The following EIF3D variants were observed in gnomAD, a reference collection of about 807,000 sequenced individuals.
The protein encoded by EIF3D is eIF3 p66.
In EIF3D, 10 loss-of-function variants were observed where a neutral mutation model predicts 75.4. That is an observed-to-expected ratio of 0.13 (90% confidence interval 0.08 to 0.22). The LOEUF (loss-of-function observed/expected upper bound fraction) is 0.22, where lower values mean the gene tolerates loss of function less well. Ranked by LOEUF, EIF3D falls within the 10% of genes least tolerant of loss-of-function variation. The pLI, the probability that EIF3D is intolerant of heterozygous loss-of-function variation, is 1.00. For synonymous variants in EIF3D, 246 were observed against 248.3 expected (o/e 0.99, Z 0.09); for missense variants, 394 against 708.0 (o/e 0.56, Z 5.03).
At position 36,526,023 on chromosome 22, in the gene EIF3D, G is replaced by T; in HGVS notation, c.99C>A (p.Phe33Leu). Reference protein sequence around the residue: ...EQFRDMPYQPFSKGDRLGKVA... With the variant: ...EQFRDMPYQPLSKGDRLGKVA... Reference sequence around the variant, plus strand: ...CCTTTCCTAGCCGATCTCCTTTGCTGAACGGCTGGTAGGGCATATCCCGAA... The same window carrying T: ...CCTTTCCTAGCCGATCTCCTTTGCTTAACGGCTGGTAGGGCATATCCCGAA... The change falls in exon 2 of 15, where the codon TTC (phenylalanine) becomes TTA (leucine). Residue 33 changes from phenylalanine to leucine, a missense_variant. Physicochemically the swap from Phe to Leu is conservative, Grantham distance 22 (BLOSUM62 0). Coordinates refer to ENST00000216190, the MANE Select transcript of EIF3D (RefSeq NM_003753.4). 6.2e-7 allele frequency: 1 copy of T among 1,613,114 alleles called. No homozygotes were observed. The highest frequency in any genetic ancestry group is 8.5e-7 in the Non-Finnish European group (1 of 1,179,534).
chr22:36,511,969 C>T (rs938959892), intron 13 of EIF3D, among the ~76,000 whole-genome samples, 183 bp from the exon 14 acceptor site: 5 of 150,432 alleles, frequency 3.3e-5, no homozygotes, highest in Middle Eastern at 3.5e-3. Flanking sequence ...TGGCTCACTG[C>T]AAGCTCCGCC....
intron 3 of EIF3D, 63 bp from the exon 4 acceptor site, chr22:36,524,795 T>C (rs1374093090): frequency 8.7e-6 from 14 of 1,605,246 alleles, no homozygotes; most frequent in Non-Finnish European, 1.2e-5. Flanking sequence ...TATGCACCAG[T>C]CTAAAGCCTT....
intron 12 of EIF3D, among the ~76,000 whole-genome samples, chr22:36,513,904 C>T (rs530075307): frequency 1.1e-4 from 17 of 152,192 alleles, no homozygotes; most frequent in Admixed American, 4.6e-4. Flanking sequence ...GCTGATGAAG[C>T]GTGTATTGGA....
intron 12 of EIF3D, among the ~76,000 whole-genome samples, chr22:36,514,503 A>T (rs1934392054): frequency 6.6e-6 from 1 of 152,216 alleles, no homozygotes; most frequent in African/African-American, 2.4e-5. Context: ...ACCCAACCGT[A>T]TGAGTCTCTT....
intron 7 of EIF3D, 31 bp from the exon 8 acceptor site, chr22:36,519,568 G>A: frequency 2.5e-6 from 4 of 1,611,716 alleles, no homozygotes; most frequent in Non-Finnish European, 3.4e-6. Flanking sequence ...GACATGCAAA[G>A]TAAGAGAGAT....
chr22:36,516,000 G>C (rs6000288), intron 12 of EIF3D: 1 of 153,584 alleles, frequency 6.5e-6, no homozygotes, highest in East Asian at 1.9e-4. Context: ...CCAGATCTTA[G>C]AATCCATGAG....
chr22:36,522,724 T>A (rs1350040792), intron 6 of EIF3D, among the ~76,000 whole-genome samples: 1 of 152,212 alleles, frequency 6.6e-6, no homozygotes, highest in Non-Finnish European at 1.5e-5. Context: ...ACTGCGGCAG[T>A]GTCGGGAGGT....
chr22:36,516,992 G>A (rs1934437968), intron 10 of EIF3D: 1 of 620,080 alleles, frequency 1.6e-6, no homozygotes. Flanking sequence ...CAATGACTTA[G>A]TAACCATGCT....
At chr22:36,523,364 C>T in intron 5 of EIF3D, 83 bp from the exon 6 acceptor site, 1 of 1,091,118 alleles carries the variant, frequency 9.2e-7, no homozygotes, top group Non-Finnish European at 1.4e-6. Context: ...TTCTCTTCAG[C>T]TAAACCTTAC....
In EIF3D at chr22:36,526,431, T is replaced by C. The variant is rs113722902; in HGVS notation, c.-10-300A>G. Among the ~76,000 whole-genome samples the C allele has an allele frequency of 1.0e-2, 1,519 of 152,292 alleles. 22 individuals are homozygous for C. Among genetic ancestry groups the C allele is most frequent in the African/African-American group, 0.033 (1,365 of 41,570 alleles). ...ACCTTGTGTTTGACAGGGTGTTGTA[T>C]TGATTGGTAGTTTTTCTTTTTCTGT... On this transcript the variant is annotated intron_variant, in intron 1 of 14. Coordinates refer to ENST00000216190, the MANE Select transcript of EIF3D (RefSeq NM_003753.4).
In EIF3D at chr22:36,524,526, A is replaced by G; in HGVS notation, c.306+70T>C. The G allele has an allele frequency of 3.1e-6, 5 of 1,602,462 alleles. No homozygotes were observed. The South Asian group carries it at 5.5e-5, about 18-fold the overall frequency. Reference sequence around the variant, plus strand: ...CCTCTCTCATTAGGAGTCACAAGGTAGCATTTTTTAGCAGGTGATGGCCAA... The same window carrying G: ...CCTCTCTCATTAGGAGTCACAAGGTGGCATTTTTTAGCAGGTGATGGCCAA... On this transcript the variant is annotated intron_variant, in intron 4 of 14. Transcript: ENST00000216190.
In EIF3D at chr22:36,517,410, G is replaced by T. The variant is rs1427352680; in HGVS notation, c.881C>A (p.Thr294Asn). ...SDFDLLTVSE[T>N]ANEPPQDEGN... is the part of the protein sequence containing the mutation. ...TTCATCTTGAGGGGGCTCATTGGCA[G>T]TCTCACTCACTGTCAGGAGGTCTGC... The change falls in exon 10 of 15, where the codon ACT becomes AAT. Residue 294 changes from threonine (T) to asparagine (N), a missense_variant. Physicochemically the swap from Thr to Asn is moderately conservative, Grantham distance 65 (BLOSUM62 0). Transcript: ENST00000216190. The T allele has an allele frequency of 6.2e-7, 1 of 1,612,874 alleles. No individual in the cohort carries two copies. Among genetic ancestry groups the T allele is most frequent in the Admixed American group, 1.7e-5 (1 of 59,678 alleles).
At chr22:36,519,640 G>A in intron 7 of EIF3D, 103 bp from the exon 8 acceptor site, 3 of 1,513,644 alleles carry the variant, frequency 2.0e-6, no homozygotes, top group South Asian at 2.5e-5. Context: ...TCTAAAAGAG[G>A]TGGAAAGCAA....
intron 12 of EIF3D, among the ~76,000 whole-genome samples, chr22:36,515,845 C>A (rs1225327222): frequency 6.6e-6 from 1 of 151,082 alleles, no homozygotes; most frequent in African/African-American, 2.4e-5. Flanking sequence ...AGGCCGCTGG[C>A]CCCAGAGCGG....
chr22:36,528,946 C>G (rs1049320455), intron 1 of EIF3D, 130 bp downstream of exon 1: 1 of 227,402 alleles, frequency 4.4e-6, no homozygotes, highest in African/African-American at 2.3e-5. Flanking sequence ...GATTCCTGCC[C>G]CGCCCAGCGG....
rs532887575 is a variant in EIF3D, at chr22:36,518,694, C to T, written c.859+69G>A. The T allele has an allele frequency of 4.0e-5, 63 of 1,579,708 alleles. No individual in the cohort carries two copies. The African/African-American group carries it at 4.2e-4, about 10-fold the overall frequency. ...ACCACTTTCTATCCATTCTCTAGTACCAGAGACTTGTTCTGTACCAACAAA... is the reference window on the plus strand; with the variant it reads ...ACCACTTTCTATCCATTCTCTAGTATCAGAGACTTGTTCTGTACCAACAAA... On this transcript the variant is annotated intron_variant, in intron 9 of 14. Coordinates refer to ENST00000216190, the MANE Select transcript of EIF3D (RefSeq NM_003753.4).
At chr22:36,522,612 A>G (rs920274510) in intron 6 of EIF3D, among the ~76,000 whole-genome samples, 1 of 152,200 alleles carries the variant, frequency 6.6e-6, no homozygotes. Flanking sequence ...AGAACAAAAA[A>G]TCCCGAGACA....
chr22:36,525,239 C>CT (rs10709824), intron 3 of EIF3D, among the ~76,000 whole-genome samples: 5,751 of 93,716 alleles, frequency 0.061, 575 homozygotes, highest in African/African-American at 0.19. Context: ...AGGGGTTTTA[C>CT]TTTTTTTTTT....
chr22:36,510,891 T>C lies in EIF3D; in HGVS notation c.*96A>G, dbSNP rs879148851. On this transcript the variant is annotated 3_prime_UTR_variant, in exon 15 of 15. Coordinates refer to ENST00000216190, the MANE Select transcript of EIF3D (RefSeq NM_003753.4). ...CAGATATATATTTTATTTCATCTGC[T>C]AAATGTCAGAGAGCAAGTTAGACAC... 1 of 1,400,754 alleles carries C rather than the reference T, an allele frequency of 7.1e-7. No individual in the cohort carries two copies. Among genetic ancestry groups the C allele is most frequent in the South Asian group, 1.4e-5 (1 of 69,806 alleles). 86.8% of individuals were successfully genotyped at this position (1,400,754 alleles called of 1,614,324 possible). A position where few individuals can be genotyped will look rare whatever the true frequency, so the allele number is the denominator to read the frequency against.
Sources: gnomAD v4.1 joint callset for allele counts (sites outside exome capture counted in the v4.1 genomes callset) on GRCh38, gnomAD v4.1.1 for gene constraint, MANE v1.5 for transcripts, NCBI Gene and HGNC (gene_info 2026-07-23, HGNC 2026-07-21) for gene names.